The following SHANK2 variants were observed in gnomAD, a reference collection of about 807,000 sequenced individuals.
The protein encoded by SHANK2 is SH3 and multiple ankyrin repeat domains protein 2.
In SHANK2, 43 loss-of-function variants were observed where a neutral mutation model predicts 133.7. The ratio of observed to expected loss-of-function variants is 0.32; its 90% CI spans 0.25 to 0.41. The LOEUF (loss-of-function observed/expected upper bound fraction) is 0.41. Among genes scored for constraint, SHANK2 ranks in the 10% least tolerant of loss-of-function variants. The probability of loss-of-function intolerance (pLI) is 1.00; values close to 1 mark genes in which losing one functional copy is unlikely to be tolerated. For synonymous variants in SHANK2, 1,017 were observed against 952.8 expected (o/e 1.07, Z -1.24); for missense variants, 1,994 against 2,235.8 (o/e 0.89, Z 2.18).
At chr11:70,613,036 T>C (rs1015936372) in intron 17 of SHANK2, among the ~76,000 whole-genome samples, 5 of 152,176 alleles carry the variant, frequency 3.3e-5, no homozygotes, top group African/African-American at 1.2e-4. Context: ...ACAGAGGTGC[T>C]TGGAAACTTC....
At chr11:70,951,564 TC>T (rs1555086654) in intron 10 of SHANK2, among the ~76,000 whole-genome samples, 1 of 44,750 alleles carries the variant, frequency 2.2e-5, no homozygotes, top group Non-Finnish European at 5.9e-5. Context: ...CGTGGTGACG[TC>T]ATAAATTCAT....
intron 12 of SHANK2, among the ~76,000 whole-genome samples, chr11:70,813,956 C>T (rs1948331802): frequency 6.6e-6 from 1 of 152,162 alleles, no homozygotes; most frequent in Non-Finnish European, 1.5e-5. Context: ...GCAATGACTG[C>T]TTCAGGGACG....
chr11:70,620,923 C>T (rs1039211650), intron 17 of SHANK2, among the ~76,000 whole-genome samples: 12 of 152,196 alleles, frequency 7.9e-5, no homozygotes, highest in African/African-American at 2.9e-4. Flanking sequence ...CTTGTTTAAG[C>T]CCCCTGGTCT....
chr11:70,945,781 G>A (rs934447782), intron 10 of SHANK2, among the ~76,000 whole-genome samples: 1 of 152,134 alleles, frequency 6.6e-6, no homozygotes, highest in Non-Finnish European at 1.5e-5. Flanking sequence ...CAGCACCCCT[G>A]AGTGGGAGGT....
intron 2 of SHANK2, among the ~76,000 whole-genome samples, chr11:71,148,755 TGTGGATG>T (rs1445213263): frequency 5.3e-5 from 8 of 152,332 alleles, no homozygotes; most frequent in Admixed American, 5.2e-4. Flanking sequence ...CCAAGCTACA[TGTGGATG>T]ATCCCTGAAA....
chr11:70,645,135 T>C (rs558455921), intron 17 of SHANK2, among the ~76,000 whole-genome samples: 1 of 152,246 alleles, frequency 6.6e-6, no homozygotes, highest in Admixed American at 6.5e-5. Context: ...CGCTTGAACC[T>C]GGGAGGCGGA....
In SHANK2 at chr11:70,554,595, C is replaced by T. The variant is rs7941050; in HGVS notation, c.2062-51664G>A. 1.6e-3 allele frequency among the ~76,000 whole-genome samples: 237 copies of T among 152,196 alleles called. 1 individual carries two copies. Among genetic ancestry groups the T allele is most frequent in the African/African-American group, 5.2e-3 (214 of 41,520 alleles). ...TCTGTTAGTAACACCTTGCATGAATCGGCTGTTATTTGTTGCAATTAATGA... is the reference window on the plus strand; with the variant it reads ...TCTGTTAGTAACACCTTGCATGAATTGGCTGTTATTTGTTGCAATTAATGA... On this transcript the variant is annotated intron_variant, in intron 17 of 25. Coordinates refer to ENST00000601538, the MANE Select transcript of SHANK2 (RefSeq NM_012309.5).
chr11:70,925,513 G>T (rs566401299), intron 10 of SHANK2, among the ~76,000 whole-genome samples: 1 of 152,324 alleles, frequency 6.6e-6, no homozygotes, highest in African/African-American at 2.4e-5. Flanking sequence ...GCAAAAGTCA[G>T]ATACTTAAAA....
chr11:70,928,786 C>T (rs1006524469), intron 10 of SHANK2, among the ~76,000 whole-genome samples: 19 of 152,118 alleles, frequency 1.2e-4, no homozygotes, highest in African/African-American at 4.3e-4. Context: ...CACCTACGAC[C>T]GTGAACCCGG....
rs552905821 is a variant in SHANK2, at chr11:70,502,292, G to A, written c.2198-6C>T. ...CCGCTTTGGAGGCGGGGGAGCTGGAGGGCAGAGGAGAGATGGGTGTGAGAC... is the reference window on the plus strand; with the variant it reads ...CCGCTTTGGAGGCGGGGGAGCTGGAAGGCAGAGGAGAGATGGGTGTGAGAC... On this transcript the variant is annotated splice_polypyrimidine_tract_variant and splice_region_variant and intron_variant, in intron 18 of 25. Coordinates refer to ENST00000601538, the MANE Select transcript of SHANK2 (RefSeq NM_012309.5). The A allele has an allele frequency of 1.6e-4, 252 of 1,552,376 alleles. 1 individual carries two copies. In the East Asian group the frequency reaches 5.7e-3, roughly 35 times the overall value.
At chr11:70,771,488 A>G (rs1947248945) in intron 14 of SHANK2, among the ~76,000 whole-genome samples, 1 of 152,180 alleles carries the variant, frequency 6.6e-6, no homozygotes, top group African/African-American at 2.4e-5. Context: ...GAACCTTCTG[A>G]GCACATTCTC....
chr11:71,091,979 G>A (rs1555094117), intron 8 of SHANK2, among the ~76,000 whole-genome samples: 1 of 152,200 alleles, frequency 6.6e-6, no homozygotes, highest in Non-Finnish European at 1.5e-5. Context: ...GCAAGGTTGG[G>A]CCTGAAAAAC....
intron 1 of SHANK2, among the ~76,000 whole-genome samples, chr11:71,248,911 A>T (rs1410322627): frequency 6.6e-6 from 1 of 152,178 alleles, no homozygotes; most frequent in African/African-American, 2.4e-5. Context: ...CTGTCCAGTC[A>T]CGCCTCTTCC....
rs143580741 is a variant in SHANK2 at position 71,185,393 on chromosome 11, C to T, written c.-12-38055G>A. ...AGAAAAGTCTGATCACTATATATGG[C>T]TAATCCAGGAAGGAATCATCTCCTC... On this transcript the variant is annotated intron_variant, in intron 2 of 25. Coordinates refer to ENST00000601538, the MANE Select transcript of SHANK2 (RefSeq NM_012309.5). Among the ~76,000 whole-genome samples, 1,230 of 152,334 alleles carry T rather than the reference C, an allele frequency of 8.1e-3. 24 individuals carry two copies. Among genetic ancestry groups the T allele is most frequent in the African/African-American group, 0.028 (1,175 of 41,564 alleles).
intron 11 of SHANK2, among the ~76,000 whole-genome samples, chr11:70,846,327 G>A (rs1010532941): frequency 7.9e-5 from 12 of 152,070 alleles, no homozygotes; most frequent in African/African-American, 2.4e-4. Context: ...GCAGTGGTGC[G>A]GTCTCAGCTC....
intron 10 of SHANK2, among the ~76,000 whole-genome samples, chr11:70,911,918 C>T (rs1399051946): frequency 6.6e-6 from 1 of 151,588 alleles, no homozygotes; most frequent in Non-Finnish European, 1.5e-5. Flanking sequence ...CCCGTCTCTA[C>T]TAAAAATACA....
chr11:70,740,837 G>A (rs1350093497), intron 14 of SHANK2, among the ~76,000 whole-genome samples: 2 of 152,122 alleles, frequency 1.3e-5, no homozygotes, highest in Admixed American at 1.3e-4. Flanking sequence ...GGCCAGTCTG[G>A]TCCTATCCAG....
At chr11:70,632,204 C>G (rs1591675396) in intron 17 of SHANK2, among the ~76,000 whole-genome samples, 1 of 152,290 alleles carries the variant, frequency 6.6e-6, no homozygotes, top group Middle Eastern at 3.4e-3. Context: ...TCACTGCAAG[C>G]TCTGCCTCCC....
chr11:70,820,366 G>T lies in SHANK2; in HGVS notation c.1491C>A (p.Val497=). ...DGKRPQPLWH[V]GSPFALGANK... ...CCTTGGCGTCTGCCACTCCTTACCC[G>T]ACATGCCAGAGAGGCTGCGGCCTCT... The change falls in exon 12 of 26, where the codon GTC becomes GTA. Residue 497 remains valine (V), a splice_region_variant and synonymous_variant. Transcript: ENST00000601538. 1.6e-6 allele frequency: 1 copy of T among 629,672 alleles called. No homozygotes were observed. The highest frequency in any genetic ancestry group is 1.9e-5 in the South Asian group (1 of 53,504). 39.0% of individuals were successfully genotyped at this position (629,672 alleles called of 1,614,324 possible). A position where few individuals can be genotyped will look rare whatever the true frequency, so the allele number is the denominator to read the frequency against.
Sources: allele counts gnomAD v4.1 joint callset (sites outside exome capture counted in the v4.1 genomes callset), GRCh38; gene constraint gnomAD v4.1.1; transcripts MANE v1.5; gene names NCBI Gene and HGNC (gene_info 2026-07-23, HGNC 2026-07-21).